Variants in MAP3K19 observed in about 807,000 individuals in gnomAD.
The protein encoded by MAP3K19 is mitogen-activated protein kinase kinase kinase 19.
Under a neutral mutation model 114.4 loss-of-function variants are expected in MAP3K19, and 91 were observed. The observed-to-expected ratio is 0.80, with a 90% CI of 0.67 to 0.95. The LOEUF (loss-of-function observed/expected upper bound fraction) is 0.95, where lower values mean the gene tolerates loss of function less well. Among genes scored for constraint, MAP3K19 ranks in the 40% least tolerant of loss-of-function variants. MAP3K19 has a pLI of 0.00. For synonymous variants in MAP3K19, 518 were observed against 530.5 expected, an observed-to-expected ratio of 0.98 and a Z score of 0.32; for missense variants, 1,471 against 1,573.2, an observed-to-expected ratio of 0.94 and a Z score of 1.10.
chr2:135,025,377 C>CTTTTTTTTTTTTTTT (rs754598942), intron 3 of MAP3K19, among the ~76,000 whole-genome samples: 1 of 69,534 alleles, frequency 1.4e-5, no homozygotes, highest in African/African-American at 6.3e-5. Flanking sequence ...CTTTTCTTTT[C>CTTTTTTTTTTTTTTT]TTTTTTTTTT....
chr2:135,018,976 T>A (rs559966324), intron 5 of MAP3K19, among the ~76,000 whole-genome samples: 5 of 151,836 alleles, frequency 3.3e-5, no homozygotes, highest in African/African-American at 1.2e-4. Flanking sequence ...TCCCAGCTAC[T>A]CAGGAGGCAG....
chr2:134,980,613 A>G (rs1001549916), intron 12 of MAP3K19: 1 of 555,210 alleles, frequency 1.8e-6, no homozygotes, highest in African/African-American at 1.9e-5. Context: ...GGCACTTTCT[A>G]CTTGAAGCAT....
At chr2:134,982,596 C>G (rs550525771) in intron 11 of MAP3K19, among the ~76,000 whole-genome samples, 1 of 151,872 alleles carries the variant, frequency 6.6e-6, no homozygotes, top group Non-Finnish European at 1.5e-5. Flanking sequence ...GTGATCCACC[C>G]GCCTCGGCCT....
chr2:134,985,845 A>G lies in MAP3K19; in HGVS notation c.3027T>C (p.Ser1009=). ...NLNLVLRWRG[S]TPKEMGRETT... ...TCTCTCTGCCCATTTCTTTTGGGGTACTTCCTCTCCATCTGAGGACAAGAT... is the reference window on the plus strand; with the variant it reads ...TCTCTCTGCCCATTTCTTTTGGGGTGCTTCCTCTCCATCTGAGGACAAGAT... The change falls in exon 10 of 13, where the codon AGT becomes AGC. Residue 1009 remains serine (S), a synonymous_variant. Coordinates refer to ENST00000392915, the MANE Select transcript of MAP3K19 (RefSeq NM_025052.5). The G allele has an allele frequency of 6.2e-7, 1 of 1,612,934 alleles. No homozygotes were observed.
intron 6 of MAP3K19, among the ~76,000 whole-genome samples, chr2:135,005,086 G>A (rs10197646): frequency 0.29 from 44,488 of 152,058 alleles, 7,811 homozygotes; most frequent in African/African-American, 0.46. Context: ...AGGTAGTATT[G>A]TGAGTGGTTT....
chr2:134,983,598 C>T, intron 11 of MAP3K19, 78 bp downstream of exon 11: 2 of 827,646 alleles, frequency 2.4e-6, no homozygotes, highest in Non-Finnish European at 3.3e-6. Context: ...GGGAGGATGA[C>T]TGGGGGAGTG....
chr2:135,011,019 T>C (rs2105333587), intron 5 of MAP3K19, among the ~76,000 whole-genome samples: 1 of 152,254 alleles, frequency 6.6e-6, no homozygotes, highest in Admixed American at 6.5e-5. Flanking sequence ...CTGTCCTACA[T>C]GCAAGGCAGC....
chr2:134,978,965 T>C (rs750182533), intron 12 of MAP3K19, among the ~76,000 whole-genome samples: 4 of 152,218 alleles, frequency 2.6e-5, no homozygotes, highest in Non-Finnish European at 5.9e-5. Context: ...GAACTTGATC[T>C]GTCAATAGGA....
intron 3 of MAP3K19, among the ~76,000 whole-genome samples, chr2:135,029,324 C>T (rs369800954): frequency 1.3e-5 from 2 of 151,968 alleles, no homozygotes; most frequent in East Asian, 1.9e-4. Context: ...TGCAGTGAGC[C>T]GAGATCGCGC....
At chr2:135,033,507 T>C (rs1473909850) in intron 2 of MAP3K19, among the ~76,000 whole-genome samples, 3 of 82,202 alleles carry the variant, frequency 3.6e-5, no homozygotes, top group African/African-American at 1.3e-4. Flanking sequence ...GGCTCCTCAC[T>C]TCCCAGTAGG....
intron 2 of MAP3K19, among the ~76,000 whole-genome samples, chr2:135,039,471 G>A (rs971099870): frequency 5.3e-5 from 8 of 151,806 alleles, no homozygotes; most frequent in Admixed American, 2.0e-4. Context: ...AATTTCCAGC[G>A]ACTTGGGAGA....
chr2:135,003,110 A>G (rs1173684335), intron 6 of MAP3K19, among the ~76,000 whole-genome samples: 3 of 152,176 alleles, frequency 2.0e-5, no homozygotes, highest in African/African-American at 4.8e-5. Context: ...AGGAAAGACC[A>G]CGTGGGGACA....
At chr2:134,998,634 G>C in intron 8 of MAP3K19, 104 bp downstream of exon 8, 1 of 1,228,892 alleles carries the variant, frequency 8.1e-7, no homozygotes. Context: ...TTATTTTCTG[G>C]TATGTTCACT....
chr2:135,039,058 T>C (rs12617314), intron 2 of MAP3K19, among the ~76,000 whole-genome samples: 5,645 of 151,474 alleles, frequency 0.037, 350 homozygotes, highest in East Asian at 0.28. Context: ...TTTTGAGGCA[T>C]GGCAATGTTC....
chr2:135,028,064 C>T (rs1421128607), intron 3 of MAP3K19, among the ~76,000 whole-genome samples: 1 of 152,152 alleles, frequency 6.6e-6, no homozygotes. Context: ...AACTGGGTGT[C>T]CTGTATTTTT....
chr2:135,006,605 T>A (rs1420210047), intron 5 of MAP3K19, among the ~76,000 whole-genome samples: 1 of 148,344 alleles, frequency 6.7e-6, no homozygotes, highest in African/African-American at 2.5e-5. Context: ...AGCTCAGGAG[T>A]TCGAGACCAG....
At chr2:134,969,038 G>A (rs887797376) in intron 12 of MAP3K19, among the ~76,000 whole-genome samples, 10 of 152,304 alleles carry the variant, frequency 6.6e-5, no homozygotes, top group Non-Finnish European at 1.2e-4. Flanking sequence ...GGATCACGCC[G>A]CTGCACTCCA....
At chr2:135,036,637 ATGTGTG>A (rs57859657) in intron 2 of MAP3K19, among the ~76,000 whole-genome samples, 9,182 of 140,152 alleles carry the variant, frequency 0.066, 372 homozygotes, top group African/African-American at 0.12. Context: ...GTTCAACATT[ATGTGTG>A]TGTGTGTGTG....
intron 12 of MAP3K19, among the ~76,000 whole-genome samples, chr2:134,967,392 T>TGA (rs1188745886): frequency 6.6e-6 from 1 of 152,132 alleles, no homozygotes; most frequent in Non-Finnish European, 1.5e-5. Flanking sequence ...CTCTTGCAGT[T>TGA]GAGAGAGAGG....
Sources: gnomAD v4.1 joint callset for allele counts (sites outside exome capture counted in the v4.1 genomes callset) on GRCh38, gnomAD v4.1.1 for gene constraint, MANE v1.5 for transcripts, NCBI Gene and HGNC (gene_info 2026-07-23, HGNC 2026-07-21) for gene names.